The following CSMD1 variants were observed in gnomAD, a reference collection of about 807,000 sequenced individuals.
The protein encoded by CSMD1 is CUB and sushi domain-containing protein 1.
In CSMD1, 213 loss-of-function variants were observed where a neutral mutation model predicts 417.5. The ratio of observed to expected loss-of-function variants is 0.51; its 90% CI spans 0.46 to 0.57. The LOEUF (loss-of-function observed/expected upper bound fraction) is 0.57. Among genes scored for constraint, CSMD1 ranks in the 20% least tolerant of loss-of-function variants. The probability of loss-of-function intolerance (pLI) is 0.00; values close to 1 mark genes in which losing one functional copy is unlikely to be tolerated. For synonymous variants in CSMD1, 2,862 were observed against 1,736.8 expected (o/e 1.65, Z -16.11); for missense variants, 6,923 against 4,529.7 (o/e 1.53, Z -15.17).
intron 3 of CSMD1, among the ~76,000 whole-genome samples, chr8:4,233,293 G>A (rs1424938929): frequency 2.0e-5 from 3 of 152,182 alleles, no homozygotes; most frequent in Non-Finnish European, 2.9e-5. Context: ...CTCTCCGCCA[G>A]CCACATCTCA....
At chr8:4,822,463 G>C (rs1799576111) in intron 1 of CSMD1, among the ~76,000 whole-genome samples, 1 of 152,054 alleles carries the variant, frequency 6.6e-6, no homozygotes, top group African/African-American at 2.4e-5. Flanking sequence ...TAAACTGTCA[G>C]TTTACGTGGA....
intron 15 of CSMD1, among the ~76,000 whole-genome samples, chr8:3,401,830 C>T (rs1051324264): frequency 6.6e-6 from 1 of 152,114 alleles, no homozygotes; most frequent in Non-Finnish European, 1.5e-5. Flanking sequence ...AAAAGACATT[C>T]CACCTGATGG....
At chr8:3,477,976 A>C (rs746672917) in intron 11 of CSMD1, among the ~76,000 whole-genome samples, 7 of 152,230 alleles carry the variant, frequency 4.6e-5, no homozygotes, top group Admixed American at 4.6e-4. Flanking sequence ...CATTGAATAA[A>C]TAATCATATT....
chr8:4,330,449 G>A (rs1049905657), intron 3 of CSMD1, among the ~76,000 whole-genome samples: 3 of 152,048 alleles, frequency 2.0e-5, no homozygotes, highest in South Asian at 2.1e-4. Flanking sequence ...AATGAACCAT[G>A]CATGTTGGCA....
At chr8:3,317,992 G>C (rs61255026) in intron 23 of CSMD1, among the ~76,000 whole-genome samples, 4,067 of 152,208 alleles carry the variant, frequency 0.027, 123 homozygotes, top group East Asian at 0.093. Context: ...TGTATCTTTT[G>C]TAGAGACAGG....
At chr8:3,591,654 G>A (rs1213707217) in intron 8 of CSMD1, among the ~76,000 whole-genome samples, 1 of 152,138 alleles carries the variant, frequency 6.6e-6, no homozygotes, top group East Asian at 1.9e-4. Context: ...AGCGTCTACT[G>A]AATCTGCTGA....
intron 23 of CSMD1, among the ~76,000 whole-genome samples, chr8:3,342,521 A>G (rs1807725297): frequency 6.6e-6 from 1 of 152,242 alleles, no homozygotes; most frequent in South Asian, 2.1e-4. Flanking sequence ...TCCACACCAA[A>G]TAGCTTTTTC....
At chr8:3,662,115 C>A (rs1287452526) in intron 7 of CSMD1, among the ~76,000 whole-genome samples, 2 of 152,154 alleles carry the variant, frequency 1.3e-5, no homozygotes, top group African/African-American at 4.8e-5. Flanking sequence ...ATTAGTGGAA[C>A]ACCAGGATGT....
At chr8:4,304,979 T>C in intron 3 of CSMD1, among the ~76,000 whole-genome samples, 1 of 152,192 alleles carries the variant, frequency 6.6e-6, no homozygotes, top group East Asian at 1.9e-4. Context: ...GTCTGGATGG[T>C]AATGCCAATG....
At chr8:3,294,462 G>A (rs1803812532) in intron 25 of CSMD1, among the ~76,000 whole-genome samples, 1 of 152,198 alleles carries the variant, frequency 6.6e-6, no homozygotes, top group Non-Finnish European at 1.5e-5. Flanking sequence ...GAGCTGTGGT[G>A]GGCTCCACCC....
At chr8:3,902,614 C>G (rs552567974) in intron 5 of CSMD1, among the ~76,000 whole-genome samples, 3 of 152,014 alleles carry the variant, frequency 2.0e-5, no homozygotes, top group African/African-American at 4.8e-5. Context: ...ATGTCGCCGC[C>G]GATCTGAGAG....
At chr8:3,473,713 G>A (rs1817239981) in intron 11 of CSMD1, among the ~76,000 whole-genome samples, 2 of 152,178 alleles carry the variant, frequency 1.3e-5, no homozygotes, top group Non-Finnish European at 2.9e-5. Context: ...TAACAATGAT[G>A]AAGAAGATAG....
At chr8:3,670,086 T>A (rs529318362) in intron 7 of CSMD1, among the ~76,000 whole-genome samples, 32 of 152,228 alleles carry the variant, frequency 2.1e-4, no homozygotes, top group African/African-American at 7.2e-4. Flanking sequence ...TCAACTTGAT[T>A]GGATTAAAGG....
At chr8:3,213,222 C>G (rs1797712632) in intron 30 of CSMD1, among the ~76,000 whole-genome samples, 1 of 152,184 alleles carries the variant, frequency 6.6e-6, no homozygotes, top group African/African-American at 2.4e-5. Context: ...CATAATTTAT[C>G]AAACGAAACT....
At chr8:4,333,545 G>C (rs1268965870) in intron 3 of CSMD1, among the ~76,000 whole-genome samples, 2 of 152,224 alleles carry the variant, frequency 1.3e-5, no homozygotes, top group African/African-American at 4.8e-5. Flanking sequence ...GAAATCATCA[G>C]GATATGCACA....
At chr8:4,270,636 C>T (rs909701514) in intron 3 of CSMD1, among the ~76,000 whole-genome samples, 1 of 152,164 alleles carries the variant, frequency 6.6e-6, no homozygotes, top group Non-Finnish European at 1.5e-5. Flanking sequence ...TTAAACCTGC[C>T]CCTCAAATGA....
chr8:4,667,621 T>C (rs1426713224), intron 1 of CSMD1, among the ~76,000 whole-genome samples: 2 of 152,298 alleles, frequency 1.3e-5, no homozygotes, highest in African/African-American at 2.4e-5. Flanking sequence ...TGGAACGCTA[T>C]TGCATATGGG....
intron 2 of CSMD1, among the ~76,000 whole-genome samples, chr8:4,549,026 A>T (rs1405068179): frequency 6.6e-6 from 1 of 152,202 alleles, no homozygotes; most frequent in Admixed American, 6.5e-5. Flanking sequence ...GTAATTAAGT[A>T]TATTTTGTTG....
chr8:3,079,057 G>C (rs560819255), intron 49 of CSMD1, among the ~76,000 whole-genome samples: 34 of 152,274 alleles, frequency 2.2e-4, no homozygotes, highest in African/African-American at 6.7e-4. Flanking sequence ...AGCAAATGCT[G>C]GGGATGGGAG....
Sources: allele counts gnomAD v4.1 joint callset (sites outside exome capture counted in the v4.1 genomes callset), GRCh38; gene constraint gnomAD v4.1.1; transcripts MANE v1.5; gene names NCBI Gene and HGNC (gene_info 2026-07-23, HGNC 2026-07-21).